ZNF804B: variants seen among roughly 807,000 people sequenced by gnomAD.
ZNF804B encodes the protein zinc finger 804B.
ZNF804B carries 80 observed loss-of-function variants against 101.4 expected under a neutral mutation model. The ratio of observed to expected loss-of-function variants is 0.79; its 90% CI spans 0.66 to 0.95. ZNF804B has a LOEUF of 0.95. Ranked by LOEUF, ZNF804B falls within the 40% of genes least tolerant of loss-of-function variation. The probability of loss-of-function intolerance (pLI) is 0.00; values close to 1 mark genes in which losing one functional copy is unlikely to be tolerated. For synonymous variants in ZNF804B, 622 were observed against 558.8 expected, an observed-to-expected ratio of 1.11 and a Z score of -1.59; for missense variants, 1,673 against 1,561.9, an observed-to-expected ratio of 1.07 and a Z score of -1.20.
At chr7:88,857,289 CA>C (rs1352062483) in intron 1 of ZNF804B, among the ~76,000 whole-genome samples, 7 of 151,812 alleles carry the variant, frequency 4.6e-5, no homozygotes, top group Admixed American at 4.6e-4. Context: ...AATAGAGACA[CA>C]AAAAAACCCT....
intron 1 of ZNF804B, among the ~76,000 whole-genome samples, chr7:88,918,782 C>A (rs555493133): frequency 6.6e-6 from 1 of 151,942 alleles, no homozygotes; most frequent in Admixed American, 6.6e-5. Context: ...GTGAGGGGGA[C>A]GATAGATTCT....
At chr7:88,775,619 T>G (rs544034117) in intron 1 of ZNF804B, among the ~76,000 whole-genome samples, 2 of 152,302 alleles carry the variant, frequency 1.3e-5, no homozygotes, top group South Asian at 4.1e-4. Context: ...AGTTCCAAAG[T>G]TGAGTCATCA....
At chr7:88,862,278 G>A (rs115038685) in intron 1 of ZNF804B, among the ~76,000 whole-genome samples, 380 of 152,210 alleles carry the variant, frequency 2.5e-3, no homozygotes, top group African/African-American at 8.9e-3. Context: ...ATACTTTCAA[G>A]GCACCATGTC....
At chr7:88,915,130 A>G (rs1792613536) in intron 1 of ZNF804B, among the ~76,000 whole-genome samples, 1 of 152,126 alleles carries the variant, frequency 6.6e-6, no homozygotes, top group Non-Finnish European at 1.5e-5. Context: ...GATATCAATC[A>G]CATTTTAAGA....
At chr7:88,777,104 C>A (rs1790153140) in intron 1 of ZNF804B, among the ~76,000 whole-genome samples, 1 of 152,148 alleles carries the variant, frequency 6.6e-6, no homozygotes, top group Non-Finnish European at 1.5e-5. Flanking sequence ...CTGAAACCAC[C>A]TGACCTTTGC....
At chr7:88,836,004 G>C (rs1263007019) in intron 1 of ZNF804B, among the ~76,000 whole-genome samples, 1 of 151,848 alleles carries the variant, frequency 6.6e-6, no homozygotes, top group Non-Finnish European at 1.5e-5. Context: ...TAAATGACAG[G>C]ATGTTGTAGC....
At chr7:89,298,141 ATC>A (rs1562940082) in intron 2 of ZNF804B, among the ~76,000 whole-genome samples, 1 of 87,142 alleles carries the variant, frequency 1.1e-5, no homozygotes, top group African/African-American at 4.5e-5. Context: ...ATATATATAT[ATC>A]ATATATATAG....
At chr7:89,131,115 A>G (rs934905742) in intron 1 of ZNF804B, among the ~76,000 whole-genome samples, 7 of 152,014 alleles carry the variant, frequency 4.6e-5, no homozygotes, top group Non-Finnish European at 5.9e-5. Flanking sequence ...AGGGAAGTTC[A>G]TGTATCTGAG....
chr7:89,101,741 G>A (rs1380164211), intron 1 of ZNF804B, among the ~76,000 whole-genome samples: 1 of 151,840 alleles, frequency 6.6e-6, no homozygotes, highest in Non-Finnish European at 1.5e-5. Flanking sequence ...GGGGATACAA[G>A]TGCTTGTTTA....
At chr7:89,248,408 T>G (rs1179724474) in intron 2 of ZNF804B, among the ~76,000 whole-genome samples, 8 of 142,874 alleles carry the variant, frequency 5.6e-5, no homozygotes, top group Non-Finnish European at 1.1e-4. Flanking sequence ...ACAGTGAGAG[T>G]TCTCAGCAGA....
intron 1 of ZNF804B, among the ~76,000 whole-genome samples, chr7:89,101,565 A>G (rs182815306): frequency 6.6e-6 from 1 of 152,110 alleles, no homozygotes; most frequent in Admixed American, 6.6e-5. Context: ...ATTTCTCACA[A>G]CCTAAAAAGC....
rs78998375 is a variant in ZNF804B, at chr7:89,011,388, T to C, written c.109-206767T>C. ...CATGTCCTCACATTTCAAAACACAATGGTGCCCTACAAACAGTACCCGAAA... is the reference window on the plus strand; with the variant it reads ...CATGTCCTCACATTTCAAAACACAACGGTGCCCTACAAACAGTACCCGAAA... On this transcript the variant is annotated intron_variant, in intron 1 of 3. Coordinates refer to ENST00000333190, the MANE Select transcript of ZNF804B (RefSeq NM_181646.5). 3.7e-3 allele frequency among the ~76,000 whole-genome samples: 560 copies of C among 152,226 alleles called. 12 individuals carry two copies. In the East Asian group the frequency reaches 0.055, roughly 15 times the overall value.
chr7:89,113,579 TG>T (rs1429598945), intron 1 of ZNF804B, among the ~76,000 whole-genome samples: 1 of 152,162 alleles, frequency 6.6e-6, no homozygotes, highest in East Asian at 1.9e-4. Flanking sequence ...TTACCATCAT[TG>T]CCATCAGTCT....
intron 1 of ZNF804B, among the ~76,000 whole-genome samples, chr7:89,182,353 GAT>G (rs1388112741): frequency 2.0e-5 from 3 of 152,090 alleles, no homozygotes; most frequent in Non-Finnish European, 4.4e-5. Flanking sequence ...TTCATAAAAA[GAT>G]ATGTGACAAT....
intron 1 of ZNF804B, among the ~76,000 whole-genome samples, chr7:89,175,432 C>T (rs147242655): frequency 1.1e-3 from 167 of 151,944 alleles, no homozygotes; most frequent in African/African-American, 3.8e-3. Context: ...TTTCATTGGT[C>T]TATGTGTTTT....
chr7:89,271,215 G>A (rs1044223701), intron 2 of ZNF804B, among the ~76,000 whole-genome samples: 11 of 152,058 alleles, frequency 7.2e-5, no homozygotes, highest in African/African-American at 2.7e-4. Flanking sequence ...GTCATAAATA[G>A]CTCTTATTAT....
intron 1 of ZNF804B, among the ~76,000 whole-genome samples, chr7:88,943,312 T>C (rs1001084436): frequency 1.3e-5 from 2 of 151,912 alleles, no homozygotes; most frequent in African/African-American, 4.8e-5. Context: ...AAAGTAGTGG[T>C]ATGTAAACTA....
chr7:89,315,596 T>A (rs953686497), intron 2 of ZNF804B, among the ~76,000 whole-genome samples: 10 of 152,138 alleles, frequency 6.6e-5, no homozygotes, highest in African/African-American at 2.4e-4. Context: ...ATTATATACA[T>A]TGATTTTATT....
chr7:88,769,173 T>C (rs1209516795), intron 1 of ZNF804B, among the ~76,000 whole-genome samples: 5 of 152,216 alleles, frequency 3.3e-5, no homozygotes, highest in African/African-American at 1.2e-4. Flanking sequence ...TTTAATGATT[T>C]CAATAGAAAA....
Sources: allele counts gnomAD v4.1 joint callset (sites outside exome capture counted in the v4.1 genomes callset), GRCh38; gene constraint gnomAD v4.1.1; transcripts MANE v1.5; gene names NCBI Gene and HGNC (gene_info 2026-07-23, HGNC 2026-07-21).